SCN10A: variants seen among roughly 807,000 people sequenced by gnomAD.
The protein encoded by SCN10A is sodium voltage-gated channel alpha subunit 10.
SCN10A carries 162 observed loss-of-function variants against 170.7 expected under a neutral mutation model. The ratio of observed to expected loss-of-function variants is 0.95; its 90% confidence interval spans 0.84 to 1.08. The LOEUF is 1.08. Ranked by LOEUF, SCN10A falls within the 50% of genes least tolerant of loss-of-function variation. The pLI, the probability that SCN10A is intolerant of heterozygous loss-of-function variation, is 0.00. For missense variants in SCN10A, 2,527 were observed against 2,436.9 expected (o/e 1.04, Z -0.78); for synonymous variants, 985 against 904.6 (o/e 1.09, Z -1.59).
Position 38,763,411 on chromosome 3 carries a change from G to A in SCN10A, c.691+94C>T. 4.1e-6 allele frequency: 4 copies of A among 978,090 alleles called. No homozygotes were observed. The South Asian group carries it at 5.5e-5, about 14-fold the overall frequency. 60.6% of individuals were successfully genotyped at this position (978,090 alleles called of 1,614,324 possible). A position where few individuals can be genotyped will look rare whatever the true frequency, so the allele number is the denominator to read the frequency against. On this transcript the variant is annotated intron_variant, in intron 6 of 27. Coordinates refer to ENST00000449082, the MANE Select transcript of SCN10A (RefSeq NM_006514.4). ...CTTTGTCTTGTAAGTGGGGACAATA[G>A]TCTTTGCCCTGGAACCTTACAGGGT...
At position 38,766,073 on chromosome 3, in the gene SCN10A, T is replaced by C. The variant is rs546866780; in HGVS notation, c.600-2477A>G. On this transcript the variant is annotated intron_variant, in intron 5 of 27. Coordinates refer to ENST00000449082, the MANE Select transcript of SCN10A (RefSeq NM_006514.4). ...TGTACAGTAGTGCTGCTGATTTGTA[T>C]ACATTGTTTTTGTATCCTGAAACTT... 2.6e-5 allele frequency among the ~76,000 whole-genome samples: 4 copies of C among 152,240 alleles called. No individual in the cohort carries two copies. The East Asian group carries it at 7.7e-4, about 29-fold the overall frequency.
chr3:38,737,798 C>CTCTTTCTT (rs1166425687), intron 15 of SCN10A, among the ~76,000 whole-genome samples: 9,508 of 93,460 alleles, frequency 0.1, 589 homozygotes, highest in East Asian at 0.18. Context: ...CCCTCCCTTC[C>CTCTTTCTT]TCTTTCTTTC....
intron 22 of SCN10A, among the ~76,000 whole-genome samples, chr3:38,713,408 G>C (rs771157610): frequency 2.0e-5 from 3 of 152,206 alleles, no homozygotes; most frequent in Non-Finnish European, 4.4e-5. Flanking sequence ...GGGTGATTGA[G>C]ATAATAGATG....
chr3:38,788,621 G>GC (rs758798171), intron 4 of SCN10A, among the ~76,000 whole-genome samples: 6 of 111,964 alleles, frequency 5.4e-5, no homozygotes, highest in African/African-American at 2.0e-4. Flanking sequence ...TGTGTGTGTT[G>GC]GGGGGGGGTG....
intron 14 of SCN10A, among the ~76,000 whole-genome samples, chr3:38,741,576 G>A (rs1030189065): frequency 1.3e-5 from 2 of 152,194 alleles, no homozygotes; most frequent in African/African-American, 4.8e-5. Flanking sequence ...TCCTGTGGGT[G>A]GGGCAAGGTT....
chr3:38,756,689 G>A lies in SCN10A; in HGVS notation c.1275C>T (p.Leu425=). The change falls in exon 10 of 28, where the codon CTC becomes CTT. Residue 425 remains leucine (L), a synonymous_variant. Coordinates refer to ENST00000449082, the MANE Select transcript of SCN10A (RefSeq NM_006514.4). ...CCTCACAAACCTCCTGCTCCTTCCG[G>A]AGCATCTCGAGGGCCTCCTGGAACT... ...EKKFQEALEM[L]RKEQEVLAAL... is the part of the protein sequence containing the mutation. The A allele has an allele frequency of 1.2e-6, 2 of 1,613,786 alleles. No homozygotes were observed. The highest frequency in any genetic ancestry group is 1.7e-6 in the Non-Finnish European group (2 of 1,179,924).
In SCN10A at chr3:38,698,002, C is replaced by A; in HGVS notation, c.5218G>T (p.Asp1740Tyr). ...CAGGTCTCATAGAACATGTCAAAGTCGTCCTCACTCAGGGGCTCAGTGCTC... is the reference window on the plus strand; with the variant it reads ...CAGGTCTCATAGAACATGTCAAAGTAGTCCTCACTCAGGGGCTCAGTGCTC... ...EESTEPLSED[D>Y]FDMFYETWEK... The change falls in exon 28 of 28, where the codon GAC becomes TAC. Residue 1740 changes from aspartate to tyrosine, a missense_variant. Transcript: ENST00000449082. 1 of 1,614,142 alleles carries A rather than the reference C, an allele frequency of 6.2e-7. No homozygotes were observed. The highest frequency in any genetic ancestry group is 8.5e-7 in the Non-Finnish European group (1 of 1,180,040).
intron 4 of SCN10A, among the ~76,000 whole-genome samples, chr3:38,783,183 T>G (rs936917807): frequency 1.3e-5 from 2 of 151,746 alleles, no homozygotes; most frequent in African/African-American, 2.4e-5. Context: ...ACATGGGGGG[T>G]TTGTTTCAAC....
chr3:38,711,689 G>C (rs1407918024), intron 23 of SCN10A, among the ~76,000 whole-genome samples: 2 of 152,242 alleles, frequency 1.3e-5, no homozygotes, highest in African/African-American at 4.8e-5. Context: ...TGAACAGGTA[G>C]ATGAAGGCAA....
At chr3:38,815,804 A>G (rs1559474901) in intron 1 of SCN10A, among the ~76,000 whole-genome samples, 1 of 152,240 alleles carries the variant, frequency 6.6e-6, no homozygotes, top group African/African-American at 2.4e-5. Flanking sequence ...GGATTTAGCT[A>G]TATTTTCACC....
At chr3:38,706,230 A>T (rs2063209918) in intron 26 of SCN10A, among the ~76,000 whole-genome samples, 1 of 152,236 alleles carries the variant, frequency 6.6e-6, no homozygotes, top group Admixed American at 6.5e-5. Flanking sequence ...TTTGAAGTAA[A>T]TTATGCAAAT....
chr3:38,774,474 G>C (rs541495996), intron 4 of SCN10A, among the ~76,000 whole-genome samples: 53 of 152,256 alleles, frequency 3.5e-4, no homozygotes, highest in Admixed American at 7.8e-4. Flanking sequence ...GCAGCATTCA[G>C]ATGTAATTTT....
At position 38,697,048 on chromosome 3, in the gene SCN10A, T is replaced by A. The variant is rs183573402; in HGVS notation, c.*301A>T. 3 of 387,206 alleles carry A rather than the reference T, an allele frequency of 7.7e-6. No homozygotes were observed. Among genetic ancestry groups the A allele is most frequent in the South Asian group, 3.3e-5 (1 of 30,024 alleles). The allele number at this position is 387,206 out of a possible 1,614,324, so 24.0% of individuals were successfully genotyped here. On this transcript the variant is annotated 3_prime_UTR_variant, in exon 28 of 28. Transcript: ENST00000449082. Reference sequence around the variant, plus strand: ...GAGAAGTTTGTCTCAGTAAATATAATCTGATTACAACAAAAATAAAAGGAC... The same window carrying A: ...GAGAAGTTTGTCTCAGTAAATATAAACTGATTACAACAAAAATAAAAGGAC...
At chr3:38,753,874 C>T (rs2063774724) in intron 11 of SCN10A, among the ~76,000 whole-genome samples, 1 of 152,184 alleles carries the variant, frequency 6.6e-6, no homozygotes, top group Admixed American at 6.5e-5. Flanking sequence ...AAAATTCATC[C>T]TCTAACGAGA....
intron 5 of SCN10A, among the ~76,000 whole-genome samples, chr3:38,766,361 G>A (rs2063932816): frequency 6.6e-6 from 1 of 152,098 alleles, no homozygotes; most frequent in African/African-American, 2.4e-5. Flanking sequence ...GTATAATGTT[G>A]GCTGTGGATT....
chr3:38,698,439 C>T lies in SCN10A; in HGVS notation c.4781G>A (p.Arg1594His), dbSNP rs769338143. ...LRLIRAAKGI[R>H]TLLFALMMSL... ...CATCATGAGGGCAAAGAGCAGTGTGCGGATCCCCTTGGCCGCTCGGATCAG... is the reference window on the plus strand; with the variant it reads ...CATCATGAGGGCAAAGAGCAGTGTGTGGATCCCCTTGGCCGCTCGGATCAG... Residue 1594 changes from arginine to histidine, a missense_variant, in exon 28 of 28, where the codon CGC becomes CAC. Transcript: ENST00000449082. 9 of 1,614,064 alleles carry T rather than the reference C, an allele frequency of 5.6e-6. No homozygotes were observed. The highest frequency in any genetic ancestry group is 1.7e-5 in the Admixed American group (1 of 60,004).
At chr3:38,810,242 A>T (rs562834162) in intron 1 of SCN10A, among the ~76,000 whole-genome samples, 2 of 152,354 alleles carry the variant, frequency 1.3e-5, no homozygotes, top group African/African-American at 2.4e-5. Context: ...TTATAATAAA[A>T]ATTGACAGGT....
At chr3:38,754,049 G>A (rs1576004645) in intron 11 of SCN10A, among the ~76,000 whole-genome samples, 1 of 152,138 alleles carries the variant, frequency 6.6e-6, no homozygotes, top group Non-Finnish European at 1.5e-5. Flanking sequence ...TTCCTGAGTG[G>A]GCTCCAATAA....
At chr3:38,763,731 C>T (rs2063901869) in intron 5 of SCN10A, 135 bp from the exon 6 acceptor site, 1 of 664,830 alleles carries the variant, frequency 1.5e-6, no homozygotes, top group Non-Finnish European at 2.7e-6. Context: ...AGTGACACTG[C>T]CATCTATAGA....
Sources: gnomAD v4.1 joint callset for allele counts (sites outside exome capture counted in the v4.1 genomes callset) on GRCh38, gnomAD v4.1.1 for gene constraint, MANE v1.5 for transcripts, NCBI Gene and HGNC (gene_info 2026-07-23, HGNC 2026-07-21) for gene names.